The following ANXA4 variants were observed in gnomAD, a reference collection of about 807,000 sequenced individuals.
ANXA4 encodes 35-beta calcimedin.
ANXA4 carries 39 observed loss-of-function variants against 49.8 expected under a neutral mutation model. That is an observed-to-expected ratio of 0.78 (90% CI 0.61 to 1.02). ANXA4 has a LOEUF of 1.02. Among genes scored for constraint, ANXA4 ranks in the 50% least tolerant of loss-of-function variants. ANXA4 has a pLI of 0.00. For synonymous variants in ANXA4, 134 were observed against 152.5 expected (o/e 0.88, Z 0.89); for missense variants, 360 against 410.1 (o/e 0.88, Z 1.05).
intron 1 of ANXA4, among the ~76,000 whole-genome samples, chr2:69,765,973 T>C (rs1224616929): frequency 6.6e-6 from 1 of 152,228 alleles, no homozygotes; most frequent in Admixed American, 6.5e-5. Flanking sequence ...GCCCGCTATG[T>C]GCAAGGCACT....
At chr2:69,680,945 G>A (rs1677577640) in intron 2 of ANXA4, among the ~76,000 whole-genome samples, 1 of 152,120 alleles carries the variant, frequency 6.6e-6, no homozygotes, top group Non-Finnish European at 1.5e-5. Context: ...GTTCATCGGG[G>A]ATAATGACCT....
chr2:69,823,066 GTAT>G (rs540017675), intron 12 of ANXA4, among the ~76,000 whole-genome samples: 48 of 149,432 alleles, frequency 3.2e-4, no homozygotes, highest in Middle Eastern at 3.7e-3. Flanking sequence ...CAATAATATG[GTAT>G]TATAGTATAT....
At chr2:69,685,237 CT>C (rs1677746323) in intron 2 of ANXA4, among the ~76,000 whole-genome samples, 1 of 152,094 alleles carries the variant, frequency 6.6e-6, no homozygotes, top group African/African-American at 2.4e-5. Flanking sequence ...GATGAGTTCA[CT>C]AAAAACAAGT....
intron 2 of ANXA4, among the ~76,000 whole-genome samples, chr2:69,681,748 G>T (rs1347155554): frequency 6.6e-6 from 1 of 151,598 alleles, no homozygotes; most frequent in Non-Finnish European, 1.5e-5. Flanking sequence ...TTGATCCTTT[G>T]TATTGTTTTT....
intron 2 of ANXA4, among the ~76,000 whole-genome samples, chr2:69,675,347 A>G (rs1407421224): frequency 6.6e-6 from 1 of 152,256 alleles, no homozygotes; most frequent in Non-Finnish European, 1.5e-5. Flanking sequence ...ACTTCAAAAT[A>G]AAATGGCATG....
chr2:69,825,318 C>T, intron 12 of ANXA4, 138 bp from the exon 13 acceptor site: 3 of 676,682 alleles, frequency 4.4e-6, no homozygotes, highest in Non-Finnish European at 5.1e-6. Context: ...TAAGTATTAC[C>T]TTCGTAATAA....
chr2:69,794,156 T>C (rs1672818331), intron 3 of ANXA4, among the ~76,000 whole-genome samples: 1 of 152,258 alleles, frequency 6.6e-6, no homozygotes, highest in African/African-American at 2.4e-5. Context: ...TCAGCTGGAC[T>C]GCAGATCCCT....
chr2:69,696,211 G>T (rs1485750959), intron 2 of ANXA4, among the ~76,000 whole-genome samples: 1 of 152,182 alleles, frequency 6.6e-6, no homozygotes. Flanking sequence ...TATCAACTAA[G>T]TTTATGGAAC....
At chr2:69,802,830 T>C (rs10205101) in intron 3 of ANXA4, among the ~76,000 whole-genome samples, 72,112 of 151,858 alleles carry the variant, frequency 0.47, 21,418 homozygotes, top group African/African-American at 0.82. Flanking sequence ...TCTCTGCCCC[T>C]TCCACACCCC....
chr2:69,762,884 TACTC>T (rs1329606926), intron 1 of ANXA4, among the ~76,000 whole-genome samples: 24 of 151,956 alleles, frequency 1.6e-4, no homozygotes, highest in African/African-American at 4.3e-4. Flanking sequence ...CACACACTCA[TACTC>T]ACTCACACTC....
intron 1 of ANXA4, among the ~76,000 whole-genome samples, chr2:69,771,139 T>C (rs1375996948): frequency 6.8e-6 from 1 of 147,232 alleles, no homozygotes; most frequent in Non-Finnish European, 1.5e-5. Context: ...AGGAAAAATA[T>C]TATTTAGGCA....
At chr2:69,745,016 T>C (rs540757042) in intron 1 of ANXA4, among the ~76,000 whole-genome samples, 2 of 152,274 alleles carry the variant, frequency 1.3e-5, no homozygotes, top group Admixed American at 1.3e-4. Context: ...GAGGATCCCT[T>C]GAGCCCAGGA....
chr2:69,728,864 G>A (rs573549316), intron 3 of ANXA4, among the ~76,000 whole-genome samples: 1 of 152,050 alleles, frequency 6.6e-6, no homozygotes, highest in Non-Finnish European at 1.5e-5. Context: ...CTAAACTTTA[G>A]GATAGGTTTG....
intron 6 of ANXA4, chr2:69,809,999 C>G (rs892496271): frequency 6.5e-6 from 1 of 153,326 alleles, no homozygotes; most frequent in Non-Finnish European, 1.5e-5. Context: ...GATCGGACCC[C>G]TGGGTGGCAG....
At chr2:69,685,747 G>C (rs979359664) in intron 2 of ANXA4, among the ~76,000 whole-genome samples, 1 of 152,224 alleles carries the variant, frequency 6.6e-6, no homozygotes. Context: ...AACTCAATAT[G>C]AGTCAGAAGT....
chr2:69,810,920 C>G, intron 7 of ANXA4: 1 of 503,080 alleles, frequency 2.0e-6, no homozygotes, highest in Non-Finnish European at 3.6e-6. Context: ...TCACTCAGTG[C>G]ATTGAGAGTT....
chr2:69,767,615 C>T (rs1441464893), intron 1 of ANXA4, among the ~76,000 whole-genome samples: 3 of 152,214 alleles, frequency 2.0e-5, no homozygotes, highest in Admixed American at 6.5e-5. Flanking sequence ...TGAATTAGAG[C>T]GTGTGGGGAT....
chr2:69,682,910 C>G (rs1677648759), intron 2 of ANXA4, among the ~76,000 whole-genome samples: 1 of 152,070 alleles, frequency 6.6e-6, no homozygotes, highest in Non-Finnish European at 1.5e-5. Flanking sequence ...TTTTTATGAT[C>G]TTCTTTGTGC....
At chr2:69,750,434 A>G (rs1328808248) in intron 1 of ANXA4, among the ~76,000 whole-genome samples, 1 of 152,170 alleles carries the variant, frequency 6.6e-6, no homozygotes, top group Non-Finnish European at 1.5e-5. Context: ...TTTTTCTAAG[A>G]CAGGGTCTCA....
Sources: gnomAD v4.1 joint callset for allele counts (sites outside exome capture counted in the v4.1 genomes callset) on GRCh38, gnomAD v4.1.1 for gene constraint, MANE v1.5 for transcripts, NCBI Gene and HGNC (gene_info 2026-07-23, HGNC 2026-07-21) for gene names.